The following PLCE1 variants were observed in gnomAD, a reference collection of about 807,000 sequenced individuals.
PLCE1 encodes 1-phosphatidylinositol 4,5-bisphosphate phosphodiesterase epsilon-1.
PLCE1 carries 119 observed loss-of-function variants against 242.8 expected under a neutral mutation model. The observed-to-expected ratio is 0.49, with a 90% CI of 0.42 to 0.57. The LOEUF is 0.57. Among genes scored for constraint, PLCE1 ranks in the 20% least tolerant of loss-of-function variants. The pLI is 0.00. For synonymous variants in PLCE1, 945 were observed against 1,017.4 expected, an observed-to-expected ratio of 0.93 and a Z score of 1.35; for missense variants, 2,441 against 2,788.8, an observed-to-expected ratio of 0.88 and a Z score of 2.81.
chr10:94,264,651 A>G (rs557942431), intron 14 of PLCE1, among the ~76,000 whole-genome samples: 10 of 149,468 alleles, frequency 6.7e-5, no homozygotes, highest in African/African-American at 2.5e-4. Flanking sequence ...CCTCCCAAGT[A>G]GCTGGGATTA....
chr10:94,122,651 C>T (rs1481317585), intron 2 of PLCE1, among the ~76,000 whole-genome samples: 1 of 152,084 alleles, frequency 6.6e-6, no homozygotes, highest in Admixed American at 6.5e-5. Flanking sequence ...AGACTGTGCC[C>T]TCAGTAGCTT....
At chr10:94,220,419 T>TATATATAA (rs1554887053) in intron 4 of PLCE1, among the ~76,000 whole-genome samples, 1 of 124,054 alleles carries the variant, frequency 8.1e-6, no homozygotes. Flanking sequence ...TATATATATA[T>TATATATAA]GATTGGGCTA....
intron 2 of PLCE1, among the ~76,000 whole-genome samples, chr10:94,115,585 A>T (rs1054963817): frequency 6.6e-6 from 1 of 152,220 alleles, no homozygotes; most frequent in African/African-American, 2.4e-5. Context: ...GTGTCTGTTC[A>T]TATCCTTCGC....
chr10:94,117,341 G>T (rs1044151985), intron 2 of PLCE1, among the ~76,000 whole-genome samples: 1 of 152,178 alleles, frequency 6.6e-6, no homozygotes, highest in East Asian at 1.9e-4. Context: ...AAACAGAGAT[G>T]TGGCCCCAGC....
At chr10:94,229,355 CACA>C (rs1420439781) in intron 5 of PLCE1, among the ~76,000 whole-genome samples, 1 of 152,150 alleles carries the variant, frequency 6.6e-6, no homozygotes, top group Non-Finnish European at 1.5e-5. Context: ...TTCCTGACCC[CACA>C]ACATGACTGC....
chr10:94,184,319 A>G (rs1004588644), intron 4 of PLCE1, among the ~76,000 whole-genome samples: 21 of 152,106 alleles, frequency 1.4e-4, no homozygotes, highest in African/African-American at 5.1e-4. Flanking sequence ...TACTTCTCCA[A>G]CTTAACTTTA....
At chr10:94,292,682 T>C (rs2052682436) in intron 22 of PLCE1, among the ~76,000 whole-genome samples, 1 of 152,192 alleles carries the variant, frequency 6.6e-6, no homozygotes, top group Admixed American at 6.5e-5. Flanking sequence ...TCTCCTCTGA[T>C]GATGTTCTTG....
At chr10:94,153,503 T>A (rs1161814056) in intron 3 of PLCE1, among the ~76,000 whole-genome samples, 1 of 151,964 alleles carries the variant, frequency 6.6e-6, no homozygotes, top group Non-Finnish European at 1.5e-5. Context: ...CCGCCTAAGA[T>A]CAAGAACCAA....
At chr10:94,307,557 G>C (rs1411679556) in intron 26 of PLCE1, among the ~76,000 whole-genome samples, 1 of 152,200 alleles carries the variant, frequency 6.6e-6, no homozygotes, top group Admixed American at 6.5e-5. Flanking sequence ...CCACAGAAAT[G>C]TATTTCCTCG....
chr10:94,260,469 G>T (rs978759651), intron 13 of PLCE1, among the ~76,000 whole-genome samples: 2 of 151,986 alleles, frequency 1.3e-5, no homozygotes, highest in Non-Finnish European at 2.9e-5. Context: ...TTATGCAGTT[G>T]CTTCATAATT....
At chr10:94,303,275 A>C (rs1263144149) in intron 24 of PLCE1, among the ~76,000 whole-genome samples, 1 of 151,718 alleles carries the variant, frequency 6.6e-6, no homozygotes, top group Non-Finnish European at 1.5e-5. Flanking sequence ...GGAATCTATC[A>C]GAGGGAGTAT....
intron 8 of PLCE1, among the ~76,000 whole-genome samples, chr10:94,247,811 G>A (rs1352736219): frequency 6.6e-6 from 1 of 152,160 alleles, no homozygotes; most frequent in Non-Finnish European, 1.5e-5. Flanking sequence ...ACAGGGCTGG[G>A]CTGAATGAGA....
At chr10:94,037,180 A>AT (rs1159237850) in intron 2 of PLCE1, among the ~76,000 whole-genome samples, 10 of 151,386 alleles carry the variant, frequency 6.6e-5, no homozygotes, top group African/African-American at 9.7e-5. Context: ...CTAACAGGCA[A>AT]TTTTTTTTTA....
chr10:94,228,256 A>T (rs36113000), intron 5 of PLCE1, among the ~76,000 whole-genome samples: 32,789 of 152,100 alleles, frequency 0.22, 3,994 homozygotes, highest in Middle Eastern at 0.3. Context: ...CTCCTGTGGG[A>T]GGCAGCATGG....
At position 94,245,954 on chromosome 10, in the gene PLCE1, T is replaced by C. The variant is rs1266118189; in HGVS notation, c.2429T>C (p.Ile810Thr). 6.2e-7 allele frequency: 1 copy of C among 1,613,888 alleles called. No homozygotes were observed. The highest frequency in any genetic ancestry group is 1.1e-5 in the South Asian group (1 of 91,072). ...LKDKSRWQFIIGDLLDSDNDI... is the reference protein window; with the variant it reads ...LKDKSRWQFITGDLLDSDNDI... ...GTGTTTCTTTCCTTAAGGTTTATAA[T>C]TGGAGATTTGTTGGATTCAGACAAT... Residue 810 changes from isoleucine to threonine, a missense_variant, in exon 8 of 33, where the codon ATT (isoleucine) becomes ACT (threonine). Physicochemically the swap from Ile to Thr is moderately conservative, Grantham distance 89. This residue lies in a region of PLCE1 where 733 missense variants were observed against 754.2 expected (regional missense o/e 0.97). Coordinates refer to ENST00000371380, the MANE Select transcript of PLCE1 (RefSeq NM_016341.4).
intron 4 of PLCE1, among the ~76,000 whole-genome samples, chr10:94,226,831 C>CTCTCTTTTTTT (rs67656949): frequency 9.8e-6 from 1 of 101,818 alleles, no homozygotes; most frequent in Non-Finnish European, 2.0e-5. Flanking sequence ...ACCTATAGGT[C>CTCTCTTTTTTT]TTTTTTTTTT....
chr10:94,255,586 A>G (rs1210010025), intron 11 of PLCE1, among the ~76,000 whole-genome samples: 2 of 152,226 alleles, frequency 1.3e-5, no homozygotes, highest in Non-Finnish European at 2.9e-5. Context: ...AATATATTTA[A>G]TACTTTTCTC....
chr10:94,099,851 G>C (rs1299083948), intron 2 of PLCE1: 1 of 152,156 alleles, frequency 6.6e-6, no homozygotes, highest in Non-Finnish European at 1.5e-5. Context: ...TAGGATGGGG[G>C]AGCAGCTCAG....
At chr10:94,230,027 C>T (rs2050088891) in intron 5 of PLCE1, among the ~76,000 whole-genome samples, 1 of 150,430 alleles carries the variant, frequency 6.6e-6, no homozygotes, top group Non-Finnish European at 1.5e-5. Context: ...TTAACTATTA[C>T]CAACATAATA....
Sources: allele counts gnomAD v4.1 joint callset (sites outside exome capture counted in the v4.1 genomes callset), GRCh38; gene constraint gnomAD v4.1.1; regional missense constraint gnomAD v4.1.1; transcripts MANE v1.5; gene names NCBI Gene and HGNC (gene_info 2026-07-23, HGNC 2026-07-21).